POMP: variants seen among roughly 807,000 people sequenced by gnomAD.
The protein encoded by POMP is 2510048O06Rik.
In POMP, 12 loss-of-function variants were observed where a neutral mutation model predicts 20.6. That is an observed-to-expected ratio of 0.58 (90% confidence interval 0.37 to 0.94). POMP has a LOEUF of 0.94. POMP is among the 40% of genes least tolerant of loss of function. POMP has a pLI of 0.01. For synonymous variants in POMP, 53 were observed against 55.0 expected (o/e 0.96, Z 0.16); for missense variants, 136 against 161.1 (o/e 0.84, Z 0.84).
chr13:28,672,515 T>C, intron 5 of POMP, 83 bp downstream of exon 5: 6 of 1,050,906 alleles, frequency 5.7e-6, no homozygotes, highest in Non-Finnish European at 9.0e-6. Flanking sequence ...AAAATTCTTG[T>C]CCTCATGGAA....
chr13:28,662,167 A>G (rs1341977428), intron 1 of POMP, among the ~76,000 whole-genome samples: 4 of 152,194 alleles, frequency 2.6e-5, no homozygotes, highest in Non-Finnish European at 5.9e-5. Flanking sequence ...AATGCCTTTC[A>G]AACTGACAGC....
chr13:28,659,300 G>T, intron 1 of POMP, 113 bp downstream of exon 1: 1 of 1,500,304 alleles, frequency 6.7e-7, no homozygotes, highest in Non-Finnish European at 9.0e-7. Flanking sequence ...CGGCAGCGTG[G>T]GGCTGAGGCC....
chr13:28,663,072 G>C (rs11839775), intron 2 of POMP, among the ~76,000 whole-genome samples: 6,763 of 152,194 alleles, frequency 0.044, 502 homozygotes, highest in African/African-American at 0.15. Context: ...GAAGCACTCA[G>C]TATGTATTGG....
intron 3 of POMP, 90 bp downstream of exon 3, chr13:28,664,659 A>G: frequency 3.6e-6 from 3 of 839,304 alleles, no homozygotes; most frequent in Non-Finnish European, 5.6e-6. Flanking sequence ...CAATTTTGGT[A>G]CTGAGGATTT....
intron 5 of POMP, among the ~76,000 whole-genome samples, chr13:28,672,715 G>C (rs1884571194): frequency 6.6e-6 from 1 of 151,988 alleles, no homozygotes; most frequent in African/African-American, 2.4e-5. Context: ...TGGCCAACAT[G>C]GTGAAACCCT....
intron 3 of POMP, 105 bp downstream of exon 3, chr13:28,664,674 A>G (rs892215768): frequency 2.8e-6 from 2 of 708,346 alleles, no homozygotes; most frequent in African/African-American, 3.6e-5. Flanking sequence ...GGATTTGCCC[A>G]TGAAGAATAT....
intron 4 of POMP, among the ~76,000 whole-genome samples, chr13:28,669,281 A>G (rs1171120341): frequency 1.3e-5 from 2 of 152,208 alleles, no homozygotes; most frequent in East Asian, 1.9e-4. Flanking sequence ...CTCCTGAACA[A>G]TGTGGACATT....
At chr13:28,662,564 T>C in intron 2 of POMP, 57 bp downstream of exon 2, 1 of 1,388,662 alleles carries the variant, frequency 7.2e-7, no homozygotes, top group Non-Finnish European at 1.0e-6. Flanking sequence ...TTTCACAATA[T>C]TCTTTAAGTA....
chr13:28,672,073 C>T (rs1193482134), intron 4 of POMP, among the ~76,000 whole-genome samples: 3 of 152,088 alleles, frequency 2.0e-5, no homozygotes, highest in Non-Finnish European at 4.4e-5. Flanking sequence ...TGGTATATGC[C>T]GTAGTTTTCC....
At chr13:28,661,184 C>G (rs922905573) in intron 1 of POMP, among the ~76,000 whole-genome samples, 1 of 152,104 alleles carries the variant, frequency 6.6e-6, no homozygotes, top group Non-Finnish European at 1.5e-5. Context: ...CGTCTTGGGC[C>G]GTGCATGCTG....
At chr13:28,662,063 G>A (rs1405461654) in intron 1 of POMP, among the ~76,000 whole-genome samples, 1 of 152,082 alleles carries the variant, frequency 6.6e-6, no homozygotes, top group East Asian at 1.9e-4. Flanking sequence ...CTTTACTTCT[G>A]CCTCACTGGA....
chr13:28,673,945 A>C (rs1308068378), intron 5 of POMP, among the ~76,000 whole-genome samples: 1 of 152,228 alleles, frequency 6.6e-6, no homozygotes, highest in East Asian at 1.9e-4. Context: ...CAATTTGATA[A>C]TTCTAGGAAT....
rs749012649 is a variant in POMP at position 28,659,149 on chromosome 13, A to G, written c.-36A>G. On this transcript the variant is annotated 5_prime_UTR_variant, in exon 1 of 6. Coordinates refer to ENST00000380842, the MANE Select transcript of POMP (RefSeq NM_015932.6). ...GTGAGCGGCGGGGTCGACTGACGGT[A>G]ACGGGGCAGAGAGGCTGTTCGCAGA... The G allele has an allele frequency of 2.3e-5, 36 of 1,577,280 alleles. No individual in the cohort carries two copies. In the East Asian group the frequency reaches 7.8e-4, roughly 34 times the overall value.
intron 1 of POMP, among the ~76,000 whole-genome samples, chr13:28,660,359 A>G (rs1771207): frequency 0.044 from 6,767 of 152,282 alleles, 505 homozygotes; most frequent in African/African-American, 0.15. Flanking sequence ...ACAGTATTCA[A>G]TAAATTACAT....
intron 4 of POMP, among the ~76,000 whole-genome samples, chr13:28,672,137 T>C (rs187445860): frequency 2.3e-4 from 35 of 152,380 alleles, no homozygotes; most frequent in African/African-American, 7.7e-4. Flanking sequence ...TTATTGTTAA[T>C]GAAAAGTATA....
At chr13:28,660,641 G>A (rs937065768) in intron 1 of POMP, among the ~76,000 whole-genome samples, 3 of 152,182 alleles carry the variant, frequency 2.0e-5, no homozygotes, top group Non-Finnish European at 4.4e-5. Flanking sequence ...GGCCAGAGAG[G>A]TTGGTGCTTT....
In POMP at chr13:28,668,631, GT is replaced by G; in HGVS notation, c.264+61del. On this transcript the variant is annotated intron_variant, in intron 4 of 5. Transcript: ENST00000380842. Reference sequence around the variant, plus strand: ...CGATATCATTCATGAGGAATCTTCTGTTTTCATAACAGCTATTTATACCTTA... The same window carrying G: ...CGATATCATTCATGAGGAATCTTCTGTTTCATAACAGCTATTTATACCTTA... 5.2e-6 allele frequency: 7 copies of G among 1,345,242 alleles called. No individual in the cohort carries two copies. In the Admixed American group the frequency reaches 1.2e-4, roughly 23 times the overall value. 83.3% of individuals were successfully genotyped at this position (1,345,242 alleles called of 1,614,324 possible). A position where few individuals can be genotyped will look rare whatever the true frequency, so the allele number is the denominator to read the frequency against.
Position 28,659,175 on chromosome 13 carries a change from G to C in POMP, c.-10G>C. 2 of 1,587,442 alleles carry C rather than the reference G, an allele frequency of 1.3e-6. No homozygotes were observed. The highest frequency in any genetic ancestry group is 2.7e-5 in the African/African-American group (2 of 74,326). On this transcript the variant is annotated 5_prime_UTR_variant, in exon 1 of 6. Transcript: ENST00000380842. ...ACGGGGCAGAGAGGCTGTTCGCAGAGCTGCGGAAGATGGTGAGTGGGTACC... is the reference window on the plus strand; with the variant it reads ...ACGGGGCAGAGAGGCTGTTCGCAGACCTGCGGAAGATGGTGAGTGGGTACC...
intron 4 of POMP, among the ~76,000 whole-genome samples, chr13:28,669,516 C>T (rs954957379): frequency 2.6e-5 from 4 of 152,142 alleles, no homozygotes; most frequent in Admixed American, 6.5e-5. Flanking sequence ...GCAGGGACTA[C>T]AGTCACTTGC....
Sources: gnomAD v4.1 joint callset for allele counts (sites outside exome capture counted in the v4.1 genomes callset) on GRCh38, gnomAD v4.1.1 for gene constraint, MANE v1.5 for transcripts, NCBI Gene and HGNC (gene_info 2026-07-23, HGNC 2026-07-21) for gene names.